Variants in SNTG2 observed in about 807,000 individuals in gnomAD.
SNTG2 encodes the protein syntrophin gamma 2.
Under a neutral mutation model 70.9 loss-of-function variants are expected in SNTG2, and 74 were observed. That is an observed-to-expected ratio of 1.04 (90% CI 0.86 to 1.27). The LOEUF is 1.27. Ranked by LOEUF, SNTG2 falls within the 50% of genes most tolerant of loss-of-function variation. The pLI, the probability that SNTG2 is intolerant of heterozygous loss-of-function variation, is 0.00. For missense variants in SNTG2, 717 were observed against 690.7 expected, an observed-to-expected ratio of 1.04 and a Z score of -0.43; for synonymous variants, 278 against 273.8, an observed-to-expected ratio of 1.02 and a Z score of -0.15.
intron 16 of SNTG2, among the ~76,000 whole-genome samples, chr2:1,348,345 C>T (rs1660404591): frequency 6.6e-6 from 1 of 152,192 alleles, no homozygotes; most frequent in Admixed American, 6.5e-5. Flanking sequence ...GTTGGGTGTG[C>T]CTCATGATGC....
intron 8 of SNTG2, among the ~76,000 whole-genome samples, chr2:1,197,527 G>GTATGTATATATA (rs57293269): frequency 1.0e-4 from 10 of 96,740 alleles, no homozygotes; most frequent in East Asian, 6.0e-4. Context: ...GTGTGTGTGT[G>GTATGTATATATA]TGTGTGTGTG....
chr2:1,101,720 G>T (rs527516027), intron 4 of SNTG2, among the ~76,000 whole-genome samples: 224 of 152,302 alleles, frequency 1.5e-3, no homozygotes, highest in African/African-American at 5.2e-3. Context: ...AATGCGGGGT[G>T]ATCAGTTAGA....
intron 9 of SNTG2, 50 bp from the exon 10 acceptor site, chr2:1,237,838 G>T (rs746772072): frequency 8.4e-6 from 13 of 1,554,338 alleles, no homozygotes; most frequent in Admixed American, 1.9e-5. Flanking sequence ...ACGGAGGCAG[G>T]CCCGCTCCCG....
At chr2:1,030,283 G>A (rs1311777727) in intron 1 of SNTG2, among the ~76,000 whole-genome samples, 1 of 152,156 alleles carries the variant, frequency 6.6e-6, no homozygotes, top group African/African-American at 2.4e-5. Flanking sequence ...TTAGAGACGT[G>A]CTTCGTGCTT....
chr2:1,062,032 A>G (rs1188627035), intron 1 of SNTG2, among the ~76,000 whole-genome samples: 2 of 152,242 alleles, frequency 1.3e-5, no homozygotes, highest in Admixed American at 1.3e-4. Context: ...GGCCTTTCAC[A>G]GAAGTAATAT....
intron 6 of SNTG2, among the ~76,000 whole-genome samples, chr2:1,152,777 T>C (rs911439285): frequency 6.6e-6 from 1 of 152,172 alleles, no homozygotes; most frequent in Non-Finnish European, 1.5e-5. Context: ...TTATTGAGGG[T>C]AATTTCATTT....
chr2:1,099,571 G>C (rs1665625636), intron 4 of SNTG2, among the ~76,000 whole-genome samples: 1 of 152,266 alleles, frequency 6.6e-6, no homozygotes, highest in Non-Finnish European at 1.5e-5. Flanking sequence ...TTAACCATGA[G>C]CCCTCTGAAG....
intron 1 of SNTG2, among the ~76,000 whole-genome samples, chr2:987,664 A>G (rs1661369424): frequency 1.3e-5 from 2 of 151,948 alleles, no homozygotes; most frequent in Non-Finnish European, 2.9e-5. Flanking sequence ...GTGAGCGAAT[A>G]CATCTGCATC....
chr2:1,316,315 T>C lies in SNTG2; in HGVS notation c.1428T>C (p.Asp476=). 2 of 1,550,892 alleles carry C rather than the reference T, an allele frequency of 1.3e-6. No individual in the cohort carries two copies. The highest frequency in any genetic ancestry group is 1.7e-6 in the Non-Finnish European group (2 of 1,146,424). ...KFSQLKGSSD[D]GKTRVKLLFQ... is the part of the protein sequence containing the mutation. ...CCCAGCTTAAGGGATCTTCAGATGA[T>C]GGGAAAACTCGAGTAAAGCTGCTGT... is the stretch of plus-strand genomic sequence containing the variant. Residue 476 remains aspartate, a synonymous_variant, in exon 16 of 17, where the codon GAT becomes GAC. Coordinates refer to ENST00000308624, the MANE Select transcript of SNTG2 (RefSeq NM_018968.4).
chr2:1,055,087 C>T (rs1431873866), intron 1 of SNTG2, among the ~76,000 whole-genome samples: 6 of 152,154 alleles, frequency 3.9e-5, no homozygotes, highest in South Asian at 2.1e-4. Context: ...GTGCAGCCCA[C>T]GTCAGGTACT....
chr2:1,316,246 T>G lies in SNTG2; in HGVS notation c.1378-19T>G. 7.9e-7 allele frequency: 1 copy of G among 1,272,440 alleles called. No homozygotes were observed. The highest frequency in any genetic ancestry group is 1.1e-6 in the Non-Finnish European group (1 of 904,300). The allele number at this position is 1,272,440 out of a possible 1,614,324, so 78.8% of individuals were successfully genotyped here. On this transcript the variant is annotated intron_variant, in intron 15 of 16. Transcript: ENST00000308624. ...GAGCTCTTGTTTAGAAATCGCTAAT[T>G]AATTTTATTCCTTTACAGAATGTGC...
intron 1 of SNTG2, among the ~76,000 whole-genome samples, chr2:1,031,143 T>A (rs1202921065): frequency 6.6e-6 from 1 of 152,164 alleles, no homozygotes. Flanking sequence ...ATTTAACATA[T>A]TTTGAAATGT....
chr2:1,030,408 C>A (rs917147810), intron 1 of SNTG2, among the ~76,000 whole-genome samples: 14 of 152,158 alleles, frequency 9.2e-5, no homozygotes, highest in African/African-American at 2.7e-4. Context: ...GGGCAAGGGA[C>A]ACACAGAGAC....
chr2:1,243,514 C>G (rs982816711), intron 11 of SNTG2, among the ~76,000 whole-genome samples: 2 of 152,226 alleles, frequency 1.3e-5, no homozygotes, highest in Admixed American at 6.5e-5. Flanking sequence ...CCCAAGTTCT[C>G]TATTTTAGCC....
chr2:965,075 C>G (rs1171436157), intron 1 of SNTG2, among the ~76,000 whole-genome samples: 4 of 151,942 alleles, frequency 2.6e-5, no homozygotes, highest in Admixed American at 2.6e-4. Flanking sequence ...CCTTAGTCCC[C>G]CAGTCCTCCT....
intron 1 of SNTG2, among the ~76,000 whole-genome samples, chr2:992,675 T>TGAC (rs1661540468): frequency 6.6e-6 from 1 of 152,204 alleles, no homozygotes; most frequent in African/African-American, 2.4e-5. Flanking sequence ...ATTTCATATG[T>TGAC]GACAGTGCAG....
In SNTG2 at chr2:962,895, G is replaced by A. The variant is rs185872354; in HGVS notation, c.72+11827G>A. Among the ~76,000 whole-genome samples, 60 of 152,226 alleles carry A rather than the reference G, an allele frequency of 3.9e-4. 1 individual carries two copies. The East Asian group carries it at 9.3e-3, about 24-fold the overall frequency. The stretch of plus-strand genomic sequence containing the variant: ...TCATCCCTTAAATTAGAGAATGAGC[G>A]TGCTAAGCCCCACATTCACAGGTGC... On this transcript the variant is annotated intron_variant, in intron 1 of 16. Coordinates refer to ENST00000308624, the MANE Select transcript of SNTG2 (RefSeq NM_018968.4).
intron 16 of SNTG2, among the ~76,000 whole-genome samples, chr2:1,349,427 A>G (rs182362681): frequency 1.3e-5 from 2 of 152,364 alleles, no homozygotes; most frequent in Admixed American, 1.3e-4. Context: ...CTCTTAGCAG[A>G]ATTCAGGTTC....
intron 8 of SNTG2, among the ~76,000 whole-genome samples, chr2:1,187,711 T>C (rs1672332724): frequency 6.6e-6 from 1 of 152,006 alleles, no homozygotes; most frequent in African/African-American, 2.4e-5. Flanking sequence ...TAAAATCAGC[T>C]AGGGCAAGCA....
Sources: allele counts gnomAD v4.1 joint callset (sites outside exome capture counted in the v4.1 genomes callset), GRCh38; gene constraint gnomAD v4.1.1; transcripts MANE v1.5; gene names NCBI Gene and HGNC (gene_info 2026-07-23, HGNC 2026-07-21).